FMN1: variants seen among roughly 807,000 people sequenced by gnomAD.
FMN1 encodes the protein formin-1.
In FMN1, 110 loss-of-function variants were observed where a neutral mutation model predicts 132.4. The observed-to-expected ratio is 0.83, with a 90% confidence interval of 0.71 to 0.97. FMN1 has a LOEUF of 0.97. FMN1 is among the 50% of genes least tolerant of loss of function. The pLI is 0.00. For synonymous variants in FMN1, 722 were observed against 651.7 expected, an observed-to-expected ratio of 1.11 and a Z score of -1.64; for missense variants, 1,792 against 1,705.3, an observed-to-expected ratio of 1.05 and a Z score of -0.90.
At chr15:33,140,173 C>A (rs1963947329) in intron 4 of FMN1, among the ~76,000 whole-genome samples, 1 of 145,688 alleles carries the variant, frequency 6.9e-6, no homozygotes, top group South Asian at 2.2e-4. Flanking sequence ...TGTCCCTATG[C>A]AACTTTCCAC....
intron 6 of FMN1, chr15:33,012,446 G>C (rs916212885): frequency 2.0e-6 from 2 of 1,009,556 alleles, no homozygotes; most frequent in Non-Finnish European, 3.1e-6. Context: ...TTTGTTGCTG[G>C]CATTAAAGAA....
Position 33,128,610 on chromosome 15 carries a change from G to A in FMN1, c.1867+24438C>T, listed in dbSNP as rs183512247. On this transcript the variant is annotated intron_variant, in intron 4 of 20. Transcript: ENST00000616417. ...GTCTAACTTCACAAACATACCCGCG[G>A]ACCTTTGCGGCAAGTGTTACAGCTC... Among the ~76,000 whole-genome samples, 576 of 152,324 alleles carry A rather than the reference G, an allele frequency of 3.8e-3. 1 individual carries two copies. Among genetic ancestry groups the A allele is most frequent in the Non-Finnish European group, 5.9e-3 (402 of 68,026 alleles).
intron 4 of FMN1, among the ~76,000 whole-genome samples, chr15:33,116,245 C>T (rs2039920804): frequency 6.8e-6 from 1 of 147,838 alleles, no homozygotes; most frequent in Non-Finnish European, 1.5e-5. Context: ...GCATAATGTT[C>T]TACTTTCCTT....
intron 9 of FMN1, among the ~76,000 whole-genome samples, chr15:32,957,657 T>G (rs1194745139): frequency 6.6e-6 from 1 of 152,154 alleles, no homozygotes; most frequent in African/African-American, 2.4e-5. Flanking sequence ...ATCAAAGATG[T>G]TTAAGAATTT....
At chr15:33,080,995 T>C (rs2038433056) in intron 5 of FMN1, among the ~76,000 whole-genome samples, 2 of 152,092 alleles carry the variant, frequency 1.3e-5, no homozygotes, top group Admixed American at 1.3e-4. Context: ...CCCAAGATGA[T>C]GAGATGATGC....
intron 4 of FMN1, among the ~76,000 whole-genome samples, chr15:33,097,741 T>C (rs2039143644): frequency 6.6e-6 from 1 of 152,200 alleles, no homozygotes; most frequent in Non-Finnish European, 1.5e-5. Flanking sequence ...TACCTCGCAT[T>C]AATAACAGAA....
At chr15:32,823,314 A>C (rs1216859110) in intron 17 of FMN1, among the ~76,000 whole-genome samples, 3 of 151,344 alleles carry the variant, frequency 2.0e-5, no homozygotes, top group Admixed American at 1.3e-4. Flanking sequence ...GGCACCCACC[A>C]CCATGCCCAG....
chr15:32,820,959 C>T (rs1363340253), intron 17 of FMN1, among the ~76,000 whole-genome samples: 1 of 151,870 alleles, frequency 6.6e-6, no homozygotes, highest in Non-Finnish European at 1.5e-5. Context: ...CTCGTCTACT[C>T]CCAAGGTAAT....
intron 6 of FMN1, among the ~76,000 whole-genome samples, chr15:33,031,193 C>G (rs985450505): frequency 6.6e-6 from 1 of 152,212 alleles, no homozygotes; most frequent in African/African-American, 2.4e-5. Context: ...GGAAGCCTAA[C>G]TCCAGAATCT....
intron 16 of FMN1, among the ~76,000 whole-genome samples, chr15:32,874,661 A>T (rs2059596926): frequency 6.6e-6 from 1 of 152,228 alleles, no homozygotes; most frequent in Admixed American, 6.5e-5. Context: ...AATCAGAAGT[A>T]GGAATAAATC....
rs2039708661 is a variant in FMN1, at chr15:33,111,626, A to G, written c.1868-22652T>C. Among the ~76,000 whole-genome samples the G allele has an allele frequency of 2.0e-5, 3 of 152,314 alleles. No individual in the cohort carries two copies. In the South Asian group the frequency reaches 6.2e-4, roughly 32 times the overall value. On this transcript the variant is annotated intron_variant, in intron 4 of 20. Coordinates refer to ENST00000616417, the MANE Select transcript of FMN1 (RefSeq NM_001277313.2). ...AAACAAAATGTGCTATATCCATATG[A>G]AGGAGTATCTTTTGCCTATAAAAAA...
At chr15:33,136,956 C>T (rs1010332022) in intron 4 of FMN1, among the ~76,000 whole-genome samples, 6 of 151,768 alleles carry the variant, frequency 4.0e-5, no homozygotes, top group African/African-American at 9.7e-5. Flanking sequence ...GGCGTGGTGG[C>T]GGGAGCCTGT....
At chr15:33,030,671 G>A (rs907391922) in intron 6 of FMN1, among the ~76,000 whole-genome samples, 1 of 152,140 alleles carries the variant, frequency 6.6e-6, no homozygotes, top group Non-Finnish European at 1.5e-5. Context: ...AGATGCATCA[G>A]TATTTACATA....
At chr15:32,778,505 A>T (rs1403518105) in intron 19 of FMN1, among the ~76,000 whole-genome samples, 3 of 152,082 alleles carry the variant, frequency 2.0e-5, no homozygotes, top group African/African-American at 7.2e-5. Context: ...ATTTGAATAG[A>T]CATTTCTCCA....
At chr15:33,184,597 G>A (rs536799391) in intron 2 of FMN1, among the ~76,000 whole-genome samples, 22 of 150,904 alleles carry the variant, frequency 1.5e-4, no homozygotes, top group African/African-American at 4.4e-4. Context: ...TCCGCCTCCC[G>A]GGTTCAAGCA....
intron 9 of FMN1, among the ~76,000 whole-genome samples, chr15:32,962,615 G>C (rs2030702700): frequency 6.6e-6 from 1 of 150,988 alleles, no homozygotes; most frequent in Non-Finnish European, 1.5e-5. Flanking sequence ...CTAATATCCA[G>C]AATCTACAAT....
intron 17 of FMN1, among the ~76,000 whole-genome samples, chr15:32,809,926 T>A (rs1316815542): frequency 6.6e-6 from 1 of 152,144 alleles, no homozygotes; most frequent in Non-Finnish European, 1.5e-5. Flanking sequence ...TACTTATTTT[T>A]TTTTTTCTTT....
At chr15:32,962,589 C>G (rs2030699834) in intron 9 of FMN1, among the ~76,000 whole-genome samples, 1 of 151,184 alleles carries the variant, frequency 6.6e-6, no homozygotes. Context: ...TTGCAACCTA[C>G]TCATCTGACA....
At chr15:32,969,512 G>C (rs746654625) in intron 7 of FMN1, 35 bp from the exon 8 acceptor site, 2 of 1,596,528 alleles carry the variant, frequency 1.3e-6, no homozygotes, top group South Asian at 1.1e-5. Flanking sequence ...AAAGTAATGA[G>C]TTTATTAAGA....
Sources: allele counts gnomAD v4.1 joint callset (sites outside exome capture counted in the v4.1 genomes callset), GRCh38; gene constraint gnomAD v4.1.1; transcripts MANE v1.5; gene names NCBI Gene and HGNC (gene_info 2026-07-23, HGNC 2026-07-21).